Variants in HERPUD2 observed in about 807,000 individuals in gnomAD.
HERPUD2 encodes homocysteine-responsive endoplasmic reticulum-resident ubiquitin-like domain member 2 protein.
HERPUD2 carries 13 observed loss-of-function variants against 49.9 expected under a neutral mutation model. That is an observed-to-expected ratio of 0.26 (90% CI 0.17 to 0.41). HERPUD2 has a LOEUF of 0.41. Among genes scored for constraint, HERPUD2 ranks in the 10% least tolerant of loss-of-function variants. The probability of loss-of-function intolerance (pLI) is 1.00; values close to 1 mark genes in which losing one functional copy is unlikely to be tolerated. For missense variants in HERPUD2, 449 were observed against 492.2 expected (o/e 0.91, Z 0.83); for synonymous variants, 172 against 171.4 (o/e 1.00, Z -0.03).
chr7:35,694,273 T>G lies in HERPUD2; in HGVS notation c.58A>C (p.Lys20Gln), dbSNP rs1169303873. 1 of 1,614,006 alleles carries G rather than the reference T, an allele frequency of 6.2e-7. No homozygotes were observed. The highest frequency in any genetic ancestry group is 8.5e-7 in the Non-Finnish European group (1 of 1,180,004). Residue 20 changes from lysine to glutamine, a missense_variant, in exon 2 of 9, where the codon AAA becomes CAA. Lys to Gln is a moderately conservative substitution (Grantham distance 53, BLOSUM62 1). Coordinates refer to ENST00000311350, the MANE Select transcript of HERPUD2 (RefSeq NM_022373.5). Reference sequence around the variant, plus strand: ...CAGCTAATAGTCTGGTCACTGTATTTCTGATTCGGTGCTTTAATGATGAGG... The same window carrying G: ...CAGCTAATAGTCTGGTCACTGTATTGCTGATTCGGTGCTTTAATGATGAGG... ...VTLIIKAPNQ[K>Q]YSDQTISCFL...
Position 35,694,464 on chromosome 7 carries a change from T to G in HERPUD2, c.-134A>C. 1 of 874,952 alleles carries G rather than the reference T, an allele frequency of 1.1e-6. No individual in the cohort carries two copies. Among genetic ancestry groups the G allele is most frequent in the Non-Finnish European group, 1.8e-6 (1 of 558,398 alleles). The allele number at this position is 874,952 out of a possible 1,614,324, so 54.2% of individuals were successfully genotyped here. A position where few individuals can be genotyped will look rare whatever the true frequency, so the allele number is the denominator to read the frequency against. On this transcript the variant is annotated 5_prime_UTR_variant, in exon 2 of 9. Coordinates refer to ENST00000311350, the MANE Select transcript of HERPUD2 (RefSeq NM_022373.5). ...ATTCCGTGTCCAAGTCAGTTACAAG[T>G]GCACTGGAGGATACGAAGCCCATTG...
chr7:35,648,457 G>A (rs1472052563), intron 5 of HERPUD2, among the ~76,000 whole-genome samples: 1 of 152,118 alleles, frequency 6.6e-6, no homozygotes, highest in East Asian at 1.9e-4. Flanking sequence ...TTACACCAGA[G>A]AAATCAGCAA....
chr7:35,660,686 G>A (rs1465484024), intron 5 of HERPUD2, among the ~76,000 whole-genome samples: 1 of 152,160 alleles, frequency 6.6e-6, no homozygotes, highest in Non-Finnish European at 1.5e-5. Flanking sequence ...CTTTTGAGAA[G>A]TGCCTGTTCA....
chr7:35,653,590 A>G (rs1785212194), intron 5 of HERPUD2, among the ~76,000 whole-genome samples: 1 of 152,064 alleles, frequency 6.6e-6, no homozygotes, highest in Admixed American at 6.6e-5. Flanking sequence ...CATTTCATCC[A>G]ACAGGTATAG....
At chr7:35,652,361 C>T (rs748137997) in intron 5 of HERPUD2, among the ~76,000 whole-genome samples, 13 of 152,180 alleles carry the variant, frequency 8.5e-5, no homozygotes, top group Non-Finnish European at 1.6e-4. Flanking sequence ...GGCTCTGACA[C>T]CTCGCCCAAC....
intron 5 of HERPUD2, among the ~76,000 whole-genome samples, chr7:35,661,752 T>C (rs576553289): frequency 6.6e-6 from 1 of 152,352 alleles, no homozygotes; most frequent in East Asian, 1.9e-4. Flanking sequence ...TGAAGTTGCT[T>C]ATCAGCTTAA....
At position 35,682,651 on chromosome 7, in the gene HERPUD2, T is replaced by C. The variant is rs568504541; in HGVS notation, c.148-9373A>G. On this transcript the variant is annotated intron_variant, in intron 2 of 8. Transcript: ENST00000311350. ...TCGCTGTTTGACAATTATATGATCG[T>C]TTACCTAGAAAATCCAAAGACTCCT... 2.0e-5 allele frequency among the ~76,000 whole-genome samples: 3 copies of C among 151,488 alleles called. No homozygotes were observed. The South Asian group carries it at 6.3e-4, about 32-fold the overall frequency.
chr7:35,654,184 A>T (rs1785227254), intron 5 of HERPUD2, among the ~76,000 whole-genome samples: 1 of 152,134 alleles, frequency 6.6e-6, no homozygotes, highest in Admixed American at 6.5e-5. Flanking sequence ...GAACCACCTA[A>T]CCCAAAATTA....
At chr7:35,684,008 T>C (rs1362083440) in intron 2 of HERPUD2, among the ~76,000 whole-genome samples, 2 of 152,158 alleles carry the variant, frequency 1.3e-5, no homozygotes, top group Non-Finnish European at 2.9e-5. Context: ...GGAGATTCCT[T>C]AAAGAACTAA....
intron 2 of HERPUD2, among the ~76,000 whole-genome samples, chr7:35,682,797 G>A (rs1333905501): frequency 1.4e-5 from 2 of 146,388 alleles, no homozygotes; most frequent in South Asian, 2.2e-4. Flanking sequence ...GAATCAAAAC[G>A]AGAACTCAAC....
chr7:35,659,418 G>C (rs1025951721), intron 5 of HERPUD2, among the ~76,000 whole-genome samples: 1 of 152,174 alleles, frequency 6.6e-6, no homozygotes, highest in Non-Finnish European at 1.5e-5. Context: ...CATACACAGA[G>C]ATGCTTATAA....
In HERPUD2 at chr7:35,694,223, T is replaced by C; in HGVS notation, c.108A>G (p.Lys36=). The C allele has an allele frequency of 6.2e-7, 1 of 1,614,080 alleles. No homozygotes were observed. The highest frequency in any genetic ancestry group is 8.5e-7 in the Non-Finnish European group (1 of 1,180,018). ...AAACGTTAGATAGATGCGTTTTTAG[T>C]TTCCCCACGGTCCAGTTCAAGAAGC... ...ISCFLNWTVG[K]LKTHLSNVYP... is the part of the protein sequence containing the mutation. Residue 36 remains lysine (K), a synonymous_variant, in exon 2 of 9, where the codon AAA becomes AAG. Transcript: ENST00000311350.
At chr7:35,650,523 C>T (rs1406942608) in intron 5 of HERPUD2, among the ~76,000 whole-genome samples, 2 of 152,132 alleles carry the variant, frequency 1.3e-5, no homozygotes, top group Admixed American at 6.5e-5. Context: ...GAGTCCAACC[C>T]CCAGCGGGCT....
Position 35,635,419 on chromosome 7 carries a change from G to C in HERPUD2, c.657C>G (p.Asn219Lys). 1 of 1,614,060 alleles carries C rather than the reference G, an allele frequency of 6.2e-7. No homozygotes were observed. Among genetic ancestry groups the C allele is most frequent in the Non-Finnish European group, 8.5e-7 (1 of 1,180,000 alleles). The change falls in exon 7 of 9, where the codon AAC becomes AAG. Residue 219 changes from asparagine (N) to lysine (K), a missense_variant. Coordinates refer to ENST00000311350, the MANE Select transcript of HERPUD2 (RefSeq NM_022373.5). Reference sequence around the variant, plus strand: ...GCTGTGAAGTAGTAGGCTGGGTTGGGTTGACATTTGATGTGGCCTGAGCTG... The same window carrying C: ...GCTGTGAAGTAGTAGGCTGGGTTGGCTTGACATTTGATGTGGCCTGAGCTG... ...AVSAQATSNV[N>K]PTQPTTSQPL...
At chr7:35,670,031 C>T (rs1785610523) in intron 4 of HERPUD2, among the ~76,000 whole-genome samples, 184 bp downstream of exon 4, 1 of 151,840 alleles carries the variant, frequency 6.6e-6, no homozygotes, top group Non-Finnish European at 1.5e-5. Flanking sequence ...CAAGGGATAA[C>T]ACTGCGTATT....
At chr7:35,654,583 T>C (rs1236396069) in intron 5 of HERPUD2, among the ~76,000 whole-genome samples, 3 of 134,378 alleles carry the variant, frequency 2.2e-5, no homozygotes, top group Non-Finnish European at 4.7e-5. Flanking sequence ...GTAATGAGAT[T>C]GAATCAGTAA....
chr7:35,643,093 C>T (rs930214436), intron 5 of HERPUD2, among the ~76,000 whole-genome samples: 2 of 152,228 alleles, frequency 1.3e-5, no homozygotes, highest in Non-Finnish European at 2.9e-5. Context: ...CATACTCCCA[C>T]TTCCAGCCTG....
At chr7:35,693,689 G>A (rs1036841982) in intron 2 of HERPUD2, among the ~76,000 whole-genome samples, 7 of 152,082 alleles carry the variant, frequency 4.6e-5, no homozygotes, top group South Asian at 4.1e-4. Context: ...TCAGGCTGGA[G>A]GGCAGTGGTG....
chr7:35,692,935 T>G (rs1786223988), intron 2 of HERPUD2, among the ~76,000 whole-genome samples: 2 of 152,240 alleles, frequency 1.3e-5, no homozygotes, highest in South Asian at 4.1e-4. Context: ...TAAATGTACC[T>G]GATGCCAAAA....
Sources: allele counts gnomAD v4.1 joint callset (sites outside exome capture counted in the v4.1 genomes callset), GRCh38; gene constraint gnomAD v4.1.1; transcripts MANE v1.5; gene names NCBI Gene and HGNC (gene_info 2026-07-23, HGNC 2026-07-21).